CTSC: variants seen among roughly 807,000 people sequenced by gnomAD.
CTSC encodes the protein cathepsin C.
In CTSC, 37 loss-of-function variants were observed where a neutral mutation model predicts 40.9. That is an observed-to-expected ratio of 0.91 (90% CI 0.70 to 1.19). The LOEUF (loss-of-function observed/expected upper bound fraction) is 1.19. Ranked by LOEUF, CTSC falls within the 50% of genes most tolerant of loss-of-function variation. The probability of loss-of-function intolerance (pLI) is 0.00; values close to 1 mark genes in which losing one functional copy is unlikely to be tolerated. For missense variants in CTSC, 594 were observed against 567.3 expected, an observed-to-expected ratio of 1.05 and a Z score of -0.48; for synonymous variants, 232 against 207.4, an observed-to-expected ratio of 1.12 and a Z score of -1.02.
intron 5 of CTSC, chr11:88,297,289 C>T (rs217109): frequency 0.87 from 132,989 of 152,268 alleles, 58,241 homozygotes; most frequent in East Asian, 0.99. Flanking sequence ...CTTCAAATGA[C>T]GGAATGTCAA....
At chr11:88,325,557 G>A in intron 2 of CTSC, 3 of 985,376 alleles carry the variant, frequency 3.0e-6, no homozygotes, top group Non-Finnish European at 3.6e-6. Context: ...GCATTTTACA[G>A]TTAGAAACTC....
At chr11:88,318,875 C>A (rs1297097074) in intron 2 of CTSC, among the ~76,000 whole-genome samples, 1 of 151,700 alleles carries the variant, frequency 6.6e-6, no homozygotes. Flanking sequence ...GCCATTGCAC[C>A]CCAGCCTTGG....
rs560244000 is a variant in CTSC at position 88,306,626 on chromosome 11, T to C, written c.641+2537A>G. ...AAGTGGACTCCAGGGGAAGAACACC[T>C]TTCCCCTCCATCCTCCTTCTCTGGC... On this transcript the variant is annotated intron_variant, in intron 4 of 6. Coordinates refer to ENST00000227266, the MANE Select transcript of CTSC (RefSeq NM_001814.6). 2.0e-5 allele frequency among the ~76,000 whole-genome samples: 3 copies of C among 152,238 alleles called. No homozygotes were observed. The South Asian group carries it at 6.2e-4, about 32-fold the overall frequency.
Position 88,324,143 on chromosome 11 carries a change from AAAC to A in CTSC, c.318+10791_318+10793del, listed in dbSNP as rs565913714. The A allele has an allele frequency of 9.3e-3, 1,424 of 152,632 alleles. 6 individuals are homozygous for A. The highest frequency in any genetic ancestry group is 0.027 in the Middle Eastern group (8 of 296). The allele number at this position is 152,632 out of a possible 1,614,324, so 9.5% of individuals were successfully genotyped here. The stretch of plus-strand genomic sequence containing the variant: ...AATCTTTGACAAACCGTACAAAAAC[AAAC>A]AATAGGGAAAGGATTCCCTATTTAA... On this transcript the variant is annotated intron_variant, in intron 2 of 6. Transcript: ENST00000227266.
At chr11:88,324,953 GA>G (rs558930688) in intron 2 of CTSC, 157 of 985,246 alleles carry the variant, frequency 1.6e-4, no homozygotes, top group Middle Eastern at 1.0e-3. Flanking sequence ...AGAGTCATCT[GA>G]ATCAACAGAG....
At chr11:88,297,220 ATTAGC>A (rs1379077137) in intron 5 of CTSC, 2 of 152,182 alleles carry the variant, frequency 1.3e-5, no homozygotes, top group East Asian at 3.8e-4. Context: ...ACAGGGCAAA[ATTAGC>A]TTATATCTTT....
chr11:88,312,323 G>C, intron 3 of CTSC, 65 bp downstream of exon 3: 1 of 1,507,560 alleles, frequency 6.6e-7, no homozygotes, highest in Non-Finnish European at 9.2e-7. Context: ...TTCCAAAAAT[G>C]TACACACATA....
chr11:88,324,750 C>T (rs904459664), intron 2 of CTSC: 59 of 985,250 alleles, frequency 6.0e-5, no homozygotes, highest in East Asian at 2.3e-4. Flanking sequence ...ATGTTTCTCA[C>T]GGTAATAGAG....
At chr11:88,323,533 C>G (rs891871411) in intron 2 of CTSC, 1 of 152,114 alleles carries the variant, frequency 6.6e-6, no homozygotes, top group African/African-American at 2.4e-5. Flanking sequence ...ATCATCTCAG[C>G]CCAAAAGCTT....
chr11:88,334,661 A>C, intron 2 of CTSC: 1 of 374,458 alleles, frequency 2.7e-6, no homozygotes, highest in Non-Finnish European at 4.9e-6. Flanking sequence ...GTAATAAGGA[A>C]AATAAATTAA....
At chr11:88,310,404 C>T (rs1471068774) in intron 3 of CTSC, among the ~76,000 whole-genome samples, 3 of 151,960 alleles carry the variant, frequency 2.0e-5, no homozygotes, top group Non-Finnish European at 2.9e-5. Context: ...TAGAACTCAC[C>T]ATATTATTAC....
chr11:88,322,080 C>A (rs1938030794), intron 2 of CTSC: 2 of 152,102 alleles, frequency 1.3e-5, no homozygotes, highest in African/African-American at 4.8e-5. Context: ...TGTTCTTTGC[C>A]AACTTTTTAA....
intron 2 of CTSC, among the ~76,000 whole-genome samples, chr11:88,319,909 C>CA (rs1937960063): frequency 6.6e-6 from 1 of 152,088 alleles, no homozygotes; most frequent in Admixed American, 6.6e-5. Flanking sequence ...CATTAAAAAA[C>CA]AAAAAATGTT....
chr11:88,337,645 C>A lies in CTSC; in HGVS notation c.28G>T (p.Ala10Ser). The A allele has an allele frequency of 6.3e-7, 1 of 1,583,382 alleles. No homozygotes were observed. Among genetic ancestry groups the A allele is most frequent in the South Asian group, 1.2e-5 (1 of 86,886 alleles). The change falls in exon 1 of 7, where the codon GCC becomes TCC. Residue 10 changes from alanine to serine, a missense_variant. Coordinates refer to ENST00000227266, the MANE Select transcript of CTSC (RefSeq NM_001814.6). MGAGPSLLL[A>S]ALLLLLSGDG... ...CCGGAGAGAAGCAGCAGGAGGGCGGCGAGCAGCAAGGAGGGCCCAGCACCC... is the reference window on the plus strand; with the variant it reads ...CCGGAGAGAAGCAGCAGGAGGGCGGAGAGCAGCAAGGAGGGCCCAGCACCC...
At chr11:88,328,567 T>C (rs774827688) in intron 2 of CTSC, among the ~76,000 whole-genome samples, 13 of 152,206 alleles carry the variant, frequency 8.5e-5, no homozygotes, top group Non-Finnish European at 1.6e-4. Flanking sequence ...TATTAATCAC[T>C]AGCACACAAA....
chr11:88,330,771 T>C (rs1485345436), intron 2 of CTSC, among the ~76,000 whole-genome samples: 1 of 152,232 alleles, frequency 6.6e-6, no homozygotes, highest in Non-Finnish European at 1.5e-5. Flanking sequence ...TCCAAATATA[T>C]GTATCTCCAT....
At chr11:88,309,903 G>A (rs1434341157) in intron 3 of CTSC, among the ~76,000 whole-genome samples, 1 of 151,766 alleles carries the variant, frequency 6.6e-6, no homozygotes, top group Non-Finnish European at 1.5e-5. Context: ...GGTGGCATGA[G>A]ATGCCAAGCT....
intron 2 of CTSC, chr11:88,325,130 T>A: frequency 1.0e-6 from 1 of 985,320 alleles, no homozygotes; most frequent in South Asian, 4.7e-5. Context: ...AACAAGACCA[T>A]TATTCGGCAG....
intron 4 of CTSC, among the ~76,000 whole-genome samples, chr11:88,301,491 CT>C (rs1417436636): frequency 1.3e-5 from 2 of 152,122 alleles, no homozygotes; most frequent in Non-Finnish European, 2.9e-5. Context: ...TAAATCTCCG[CT>C]TTTGTTGCTT....
Sources: allele counts gnomAD v4.1 joint callset (sites outside exome capture counted in the v4.1 genomes callset), GRCh38; gene constraint gnomAD v4.1.1; transcripts MANE v1.5; gene names NCBI Gene and HGNC (gene_info 2026-07-23, HGNC 2026-07-21).